Variants in GLB1 observed in about 807,000 individuals in gnomAD.
GLB1 encodes galactosidase beta 1.
A neutral mutation model predicts 74.0 loss-of-function variants in GLB1; 56 were observed. The ratio of observed to expected loss-of-function variants is 0.76; its 90% confidence interval spans 0.61 to 0.94. GLB1 has a LOEUF of 0.94. Ranked by LOEUF, GLB1 falls within the 40% of genes least tolerant of loss-of-function variation. GLB1 has a pLI of 0.00. For missense variants in GLB1, 787 were observed against 845.5 expected (o/e 0.93, Z 0.86); for synonymous variants, 323 against 323.6 (o/e 1.00, Z 0.02).
chr3:33,039,281 C>T (rs1214352646), intron 10 of GLB1, among the ~76,000 whole-genome samples: 2 of 113,392 alleles, frequency 1.8e-5, no homozygotes, highest in Non-Finnish European at 3.5e-5. Flanking sequence ...CAGAGCAAGA[C>T]TCTGTCTCAA....
the GLB1 span, among the ~76,000 whole-genome samples, chr3:32,967,795 G>C: frequency 6.6e-6 from 1 of 152,172 alleles, no homozygotes; most frequent in Non-Finnish European, 1.5e-5. Flanking sequence ...CACCACGGGG[G>C]AGTTTCACCT....
chr3:32,994,657 A>G (rs1341271313), downstream of GLB1, among the ~76,000 whole-genome samples: 1 of 152,172 alleles, frequency 6.6e-6, no homozygotes, highest in Admixed American at 6.5e-5. Context: ...GCAGTGGCTC[A>G]TGCCTGTAAT....
At chr3:33,004,834 C>T (rs1696720672) in intron 15 of GLB1, among the ~76,000 whole-genome samples, 2 of 152,144 alleles carry the variant, frequency 1.3e-5, no homozygotes, top group South Asian at 2.1e-4. Context: ...CTGTTTTATA[C>T]CTATCAGGCT....
At chr3:33,030,534 G>A (rs564696637) in intron 10 of GLB1, 18 of 985,420 alleles carry the variant, frequency 1.8e-5, no homozygotes, top group East Asian at 2.3e-4. Context: ...CTGTGTCTGC[G>A]TATCAAGCCA....
chr3:33,095,723 C>T (rs147464217), intron 1 of GLB1, among the ~76,000 whole-genome samples: 24 of 152,338 alleles, frequency 1.6e-4, no homozygotes, highest in Admixed American at 1.5e-3. Context: ...CCTACCCCCA[C>T]TCCCAGATAC....
At position 33,097,102 on chromosome 3, in the gene GLB1, G is replaced by A. The variant is rs1233290104; in HGVS notation, c.-17C>T. 4 of 1,611,550 alleles carry A rather than the reference G, an allele frequency of 2.5e-6. No homozygotes were observed. In the East Asian group the frequency reaches 6.7e-5, roughly 27 times the overall value. On this transcript the variant is annotated 5_prime_UTR_variant, in exon 1 of 16. Coordinates refer to ENST00000307363, the MANE Select transcript of GLB1 (RefSeq NM_000404.4). Reference sequence around the variant, plus strand: ...CCCCGGCATGACCACCAGCCTCCCGGCTCTGCAGTCGGCGCCCAGGCCGGC... The same window carrying A: ...CCCCGGCATGACCACCAGCCTCCCGACTCTGCAGTCGGCGCCCAGGCCGGC...
chr3:33,046,120 C>T lies in GLB1; in HGVS notation c.1068G>A (p.Lys356=), dbSNP rs794726980. The change falls in exon 10 of 16, where the codon AAG becomes AAA. Residue 356 remains lysine, a splice_region_variant and synonymous_variant. Transcript: ENST00000307363. ...KYFALRNIIQ[K]FEKVPEGPIP... ...ACCACAGCTCATACAAAGCACCCAC[C>T]TTCTGGATGATGTTTCGCAGAGCAA... 1 of 1,612,570 alleles carries T rather than the reference C, an allele frequency of 6.2e-7. No individual in the cohort carries two copies. The highest frequency in any genetic ancestry group is 8.5e-7 in the Non-Finnish European group (1 of 1,179,782).
At chr3:33,092,904 T>A in intron 1 of GLB1, 1 of 1,614,180 alleles carries the variant, frequency 6.2e-7, no homozygotes, top group Non-Finnish European at 8.5e-7. Flanking sequence ...TATCCCGTAG[T>A]AGGCTGTGCC....
chr3:32,981,772 C>CA, the GLB1 span, among the ~76,000 whole-genome samples: 199 of 138,098 alleles, frequency 1.4e-3, 2 homozygotes, highest in African/African-American at 3.1e-3. Flanking sequence ...GACTCCATCT[C>CA]AAAAAAAAAA....
chr3:33,017,172 T>C (rs916846532), intron 13 of GLB1, among the ~76,000 whole-genome samples: 3 of 152,214 alleles, frequency 2.0e-5, no homozygotes, highest in African/African-American at 7.2e-5. Flanking sequence ...CTTCGTGTTC[T>C]GACAGCACAA....
downstream of GLB1, among the ~76,000 whole-genome samples, chr3:32,994,430 T>G (rs1239475100): frequency 6.6e-6 from 1 of 152,178 alleles, no homozygotes; most frequent in African/African-American, 2.4e-5. Flanking sequence ...GTAGCATCCA[T>G]AGAGAGAGTT....
In GLB1 at chr3:33,093,857, G is replaced by T. The variant is rs1700883680; in HGVS notation, c.75+3154C>A. 6.2e-7 allele frequency: 1 copy of T among 1,613,786 alleles called. No homozygotes were observed. Among genetic ancestry groups the T allele is most frequent in the Non-Finnish European group, 8.5e-7 (1 of 1,179,840 alleles). On this transcript the variant is annotated intron_variant, in intron 1 of 15. Transcript: ENST00000307363. The surrounding 1 kb of genome is among the most constrained non-coding windows in gnomAD (Gnocchi z 6.0). ...GGCAGGAGTAGGCCGCCAAGGAAAA[G>T]AGATAGGGCTCTTCGGCCACTAAAA... is the stretch of plus-strand genomic sequence containing the variant.
chr3:32,969,578 TCTC>T, the GLB1 span, among the ~76,000 whole-genome samples: 2 of 152,124 alleles, frequency 1.3e-5, no homozygotes, highest in Admixed American at 6.5e-5. Context: ...TAGCTATGCT[TCTC>T]CTCCTGGAGA....
At chr3:33,096,314 C>A in intron 1 of GLB1, 1 of 894,952 alleles carries the variant, frequency 1.1e-6, no homozygotes, top group African/African-American at 1.8e-5. Context: ...CCTCTCCCAC[C>A]AACTGTGCAC....
chr3:33,031,810 T>A (rs1416259201), intron 10 of GLB1, among the ~76,000 whole-genome samples: 6 of 151,548 alleles, frequency 4.0e-5, no homozygotes, highest in Non-Finnish European at 8.8e-5. Flanking sequence ...TTTTGTTTTG[T>A]TTTTGAGACA....
chr3:32,991,636 G>A (rs1205105212), downstream of GLB1, among the ~76,000 whole-genome samples: 1 of 152,226 alleles, frequency 6.6e-6, no homozygotes, highest in Non-Finnish European at 1.5e-5. Context: ...CTCTCTGGAA[G>A]CTCCCTTCTG....
At chr3:33,066,534 A>G (rs1236598439) in intron 4 of GLB1, among the ~76,000 whole-genome samples, 1 of 151,884 alleles carries the variant, frequency 6.6e-6, no homozygotes, top group Non-Finnish European at 1.5e-5. Flanking sequence ...TGTAGGAAAT[A>G]AATGCTTTTC....
chr3:33,088,935 A>G (rs1559420099), intron 1 of GLB1, among the ~76,000 whole-genome samples: 1 of 152,208 alleles, frequency 6.6e-6, no homozygotes, highest in Non-Finnish European at 1.5e-5. Context: ...ATAAAGACAG[A>G]CATAGAGCAA....
At chr3:33,017,388 A>T (rs1019089043) in intron 13 of GLB1, among the ~76,000 whole-genome samples, 1 of 152,258 alleles carries the variant, frequency 6.6e-6, no homozygotes, top group South Asian at 2.1e-4. Context: ...AAAAGGTTAG[A>T]CTTTAAAAAT....
Sources: allele counts gnomAD v4.1 joint callset (sites outside exome capture counted in the v4.1 genomes callset), GRCh38; gene constraint gnomAD v4.1.1; non-coding constraint Gnocchi (gnomAD v3.1); transcripts MANE v1.5; gene names NCBI Gene and HGNC (gene_info 2026-07-23, HGNC 2026-07-21).